The following CAPN13 variants were observed in gnomAD, a reference collection of about 807,000 sequenced individuals.
The protein encoded by CAPN13 is calpain 13.
In CAPN13, 90 loss-of-function variants were observed where a neutral mutation model predicts 98.4. The observed-to-expected ratio is 0.92, with a 90% confidence interval of 0.77 to 1.09. The LOEUF (loss-of-function observed/expected upper bound fraction) is 1.09, where lower values mean the gene tolerates loss of function less well. Ranked by LOEUF, CAPN13 falls within the 50% of genes least tolerant of loss-of-function variation. The pLI is 0.00. For synonymous variants in CAPN13, 330 were observed against 305.5 expected, an observed-to-expected ratio of 1.08 and a Z score of -0.84; for missense variants, 887 against 841.3, an observed-to-expected ratio of 1.05 and a Z score of -0.67.
At chr2:30,778,041 T>C (rs17010256) in intron 2 of CAPN13, among the ~76,000 whole-genome samples, 2,975 of 152,306 alleles carry the variant, frequency 0.02, 58 homozygotes, top group East Asian at 0.074. Context: ...ACTTTCATAA[T>C]AAAGCTTTTG....
At chr2:30,790,303 CAGA>C (rs1674534454) in intron 1 of CAPN13, among the ~76,000 whole-genome samples, 1 of 152,086 alleles carries the variant, frequency 6.6e-6, no homozygotes, top group Non-Finnish European at 1.5e-5. Flanking sequence ...TAGCCAAAGG[CAGA>C]AGAAGACTCA....
chr2:30,741,358 C>CCGGGAGCTCCCGGGAGGA, intron 15 of CAPN13: 1 of 983,384 alleles, frequency 1.0e-6, no homozygotes, highest in Non-Finnish European at 1.2e-6. Context: ...TTCCACTTTC[C>CCGGGAGCTCCCGGGAGGA]ACACTAACAC....
chr2:30,807,138 C>A (rs1675677751), intron 1 of CAPN13, among the ~76,000 whole-genome samples, 164 bp downstream of exon 1: 1 of 152,164 alleles, frequency 6.6e-6, no homozygotes, highest in Admixed American at 6.5e-5. Context: ...CCTTGGACCA[C>A]CTGCATCAAA....
Position 30,753,074 on chromosome 2 carries a change from C to G in CAPN13, c.1066G>C (p.Val356Leu). ...GWSQIMFRKQVILGNTAGGPR... is the reference protein window; with the variant it reads ...GWSQIMFRKQLILGNTAGGPR... ...TTACCTGCAGTGTTTCCTAGAATCACTTGCTTCCTAAACATTATTTGGGAC... is the reference window on the plus strand; with the variant it reads ...TTACCTGCAGTGTTTCCTAGAATCAGTTGCTTCCTAAACATTATTTGGGAC... Residue 356 changes from valine (V) to leucine (L), a missense_variant, in exon 10 of 23, where the codon GTG becomes CTG. Val to Leu is a conservative substitution (Grantham distance 32, BLOSUM62 1). Transcript: ENST00000295055. The G allele has an allele frequency of 6.2e-7, 1 of 1,614,026 alleles. No homozygotes were observed. Among genetic ancestry groups the G allele is most frequent in the Non-Finnish European group, 8.5e-7 (1 of 1,179,874 alleles).
rs780643427 is a variant in CAPN13, at chr2:30,743,744, G to A, written c.1249-165C>T. On this transcript the variant is annotated intron_variant, in intron 12 of 22. Transcript: ENST00000295055. Reference sequence around the variant, plus strand: ...TCAGCTGAAGTCTCAAAAAGCAGTAGTGTTTAGCCTGTCATTTCATCTAGA... The same window carrying A: ...TCAGCTGAAGTCTCAAAAAGCAGTAATGTTTAGCCTGTCATTTCATCTAGA... The A allele has an allele frequency of 1.3e-5, 9 of 719,482 alleles. No homozygotes were observed. In the South Asian group the frequency reaches 1.3e-4, roughly 11 times the overall value. 44.6% of individuals were successfully genotyped at this position (719,482 alleles called of 1,614,324 possible).
chr2:30,759,082 CCT>C (rs1449687893), intron 7 of CAPN13, among the ~76,000 whole-genome samples: 4 of 101,796 alleles, frequency 3.9e-5, no homozygotes, highest in East Asian at 3.6e-4. Context: ...TCCCTCCCTT[CCT>C]CTCTGCCTCC....
intron 14 of CAPN13, 98 bp downstream of exon 14, chr2:30,742,228 G>C: frequency 3.6e-6 from 5 of 1,379,544 alleles, no homozygotes; most frequent in South Asian, 1.3e-5. Context: ...TCTTTTCATT[G>C]GTTGGGGGCA....
chr2:30,796,017 A>C lies in CAPN13; in HGVS notation c.-32-8660T>G, dbSNP rs568149363. On this transcript the variant is annotated intron_variant, in intron 1 of 22. Coordinates refer to ENST00000295055, the MANE Select transcript of CAPN13 (RefSeq NM_144575.3). ...AAATACTTTGAGTACTTAGGAAATA[A>C]AGCTGGTATCTGTATTAGCAAATAT... Among the ~76,000 whole-genome samples the C allele has an allele frequency of 4.6e-5, 7 of 151,806 alleles. No individual in the cohort carries two copies. The South Asian group carries it at 1.5e-3, about 31-fold the overall frequency.
chr2:30,776,110 C>T, intron 3 of CAPN13, 65 bp from the exon 4 acceptor site: 1 of 1,055,428 alleles, frequency 9.5e-7, no homozygotes, highest in Non-Finnish European at 1.4e-6. Flanking sequence ...CCCATAATTT[C>T]AAAGGTCCTT....
At chr2:30,788,281 GT>G (rs758396286) in intron 1 of CAPN13, among the ~76,000 whole-genome samples, 1 of 152,180 alleles carries the variant, frequency 6.6e-6, no homozygotes, top group Non-Finnish European at 1.5e-5. Flanking sequence ...TATTAAATAA[GT>G]TTTGACCTAA....
intron 11 of CAPN13, among the ~76,000 whole-genome samples, chr2:30,749,948 G>A (rs958628821): frequency 8.5e-5 from 13 of 152,148 alleles, no homozygotes; most frequent in East Asian, 7.7e-4. Flanking sequence ...CCCAGCTATC[G>A]CATTACTGGG....
At position 30,758,026 on chromosome 2, in the gene CAPN13, G is replaced by T. The variant is rs1337918556; in HGVS notation, c.866+20C>A. 1 of 1,581,136 alleles carries T rather than the reference G, an allele frequency of 6.3e-7. No homozygotes were observed. Among genetic ancestry groups the T allele is most frequent in the African/African-American group, 1.4e-5 (1 of 73,260 alleles). The stretch of plus-strand genomic sequence containing the variant: ...CCAAGCGCTCTGTGAAGGATGGAGA[G>T]AGGTTTCCAGAAGCCATACCCATCA... On this transcript the variant is annotated intron_variant, in intron 8 of 22. Transcript: ENST00000295055.
intron 1 of CAPN13, among the ~76,000 whole-genome samples, chr2:30,802,174 G>C (rs575559060): frequency 6.6e-6 from 1 of 152,038 alleles, no homozygotes; most frequent in Non-Finnish European, 1.5e-5. Flanking sequence ...GGGGGGTGGC[G>C]GGGGTTTGGA....
intron 1 of CAPN13, among the ~76,000 whole-genome samples, chr2:30,807,035 G>T (rs147587314): frequency 6.5e-4 from 99 of 152,274 alleles, no homozygotes; most frequent in African/African-American, 2.3e-3. Context: ...GAATGATTAA[G>T]AAATACTCTC....
rs1671755736 is a variant in CAPN13 at position 30,743,482 on chromosome 2, T to C, written c.1346A>G (p.Tyr449Cys). Residue 449 changes from tyrosine (Y) to cysteine (C), a missense_variant, in exon 13 of 23, where the codon TAC (tyrosine) becomes TGC (cysteine). By Grantham distance (194) the Tyr-to-Cys change is radical. Coordinates refer to ENST00000295055, the MANE Select transcript of CAPN13 (RefSeq NM_144575.3). ...NKFRRNFTMT[Y>C]HLSPGNYVVV... Reference sequence around the variant, plus strand: ...AACATAGTTCCCAGGGCTCAGATGGTAAGTCATGGTGAAGTTGCGGCGGAA... The same window carrying C: ...AACATAGTTCCCAGGGCTCAGATGGCAAGTCATGGTGAAGTTGCGGCGGAA... 1 of 1,613,820 alleles carries C rather than the reference T, an allele frequency of 6.2e-7. No homozygotes were observed.
intron 4 of CAPN13, among the ~76,000 whole-genome samples, chr2:30,774,234 A>G (rs1369036807): frequency 3.3e-5 from 5 of 152,244 alleles, no homozygotes; most frequent in Non-Finnish European, 5.9e-5. Context: ...GCAGTTTCAG[A>G]AAATCACAAA....
chr2:30,767,886 T>C (rs1371424265), intron 5 of CAPN13, among the ~76,000 whole-genome samples: 2 of 152,048 alleles, frequency 1.3e-5, no homozygotes, highest in African/African-American at 4.8e-5. Context: ...ACGGGAAAGA[T>C]AAAGATGTCC....
At chr2:30,787,948 C>T (rs1471979631) in intron 1 of CAPN13, among the ~76,000 whole-genome samples, 1 of 152,042 alleles carries the variant, frequency 6.6e-6, no homozygotes, top group African/African-American at 2.4e-5. Context: ...AGGGTGTGGG[C>T]AGGGACTGGA....
chr2:30,784,083 G>A (rs1163276351), intron 2 of CAPN13, among the ~76,000 whole-genome samples: 6 of 152,068 alleles, frequency 3.9e-5, no homozygotes, highest in African/African-American at 1.4e-4. Flanking sequence ...AGGAGGCTGA[G>A]GCAGGAGAAT....
Sources: gnomAD v4.1 joint callset for allele counts (sites outside exome capture counted in the v4.1 genomes callset) on GRCh38, gnomAD v4.1.1 for gene constraint, MANE v1.5 for transcripts, NCBI Gene and HGNC (gene_info 2026-07-23, HGNC 2026-07-21) for gene names.